SLC35F4: variants seen among roughly 807,000 people sequenced by gnomAD.
SLC35F4 encodes the protein solute carrier family 35 member F4, also known as chromosome 14 open reading frame 36.
A neutral mutation model predicts 44.2 loss-of-function variants in SLC35F4; 24 were observed. The ratio of observed to expected loss-of-function variants is 0.54; its 90% confidence interval spans 0.39 to 0.76. The LOEUF (loss-of-function observed/expected upper bound fraction) is 0.76. SLC35F4 is among the 30% of genes least tolerant of loss of function. The pLI is 0.00. For missense variants in SLC35F4, 562 were observed against 586.1 expected, an observed-to-expected ratio of 0.96 and a Z score of 0.42; for synonymous variants, 238 against 223.6, an observed-to-expected ratio of 1.06 and a Z score of -0.57.
At chr14:57,670,176 A>G (rs1447031418) in intron 1 of SLC35F4, among the ~76,000 whole-genome samples, 4 of 152,046 alleles carry the variant, frequency 2.6e-5, no homozygotes, top group African/African-American at 9.7e-5. Context: ...CAGTGGTGAT[A>G]TTCACTTTAT....
At chr14:57,595,067 A>G (rs1741313225) in intron 1 of SLC35F4, among the ~76,000 whole-genome samples, 1 of 152,166 alleles carries the variant, frequency 6.6e-6, no homozygotes, top group Admixed American at 6.5e-5. Flanking sequence ...GATTTTCACT[A>G]GTTTTATCAC....
At chr14:57,838,209 T>C (rs997863002) in intron 1 of SLC35F4, among the ~76,000 whole-genome samples, 3 of 152,184 alleles carry the variant, frequency 2.0e-5, no homozygotes, top group African/African-American at 7.2e-5. Context: ...CCACTCTTCC[T>C]GGGCAGGTTT....
At chr14:57,930,093 C>T (rs981422438) in intron 1 of SLC35F4, among the ~76,000 whole-genome samples, 1 of 152,190 alleles carries the variant, frequency 6.6e-6, no homozygotes, top group African/African-American at 2.4e-5. Flanking sequence ...CTGTGCAGAA[C>T]ATTCGCTTCT....
At chr14:57,900,402 G>A (rs2141044782) in intron 1 of SLC35F4, among the ~76,000 whole-genome samples, 1 of 152,200 alleles carries the variant, frequency 6.6e-6, no homozygotes, top group Non-Finnish European at 1.5e-5. Context: ...TTAGGTCGGG[G>A]TCATGTGCTC....
intron 1 of SLC35F4, among the ~76,000 whole-genome samples, chr14:57,965,738 A>G (rs1210681618): frequency 1.3e-5 from 2 of 152,212 alleles, no homozygotes; most frequent in Non-Finnish European, 2.9e-5. Context: ...TGGGGACCCA[A>G]TGCTTAATGT....
intron 1 of SLC35F4, chr14:57,602,465 G>A (rs896584497): frequency 2.7e-4 from 41 of 152,168 alleles, no homozygotes; most frequent in African/African-American, 9.2e-4. Flanking sequence ...TCTTGAAGGG[G>A]AGCTGGAATG....
At chr14:57,817,762 A>T (rs1882765321) in intron 1 of SLC35F4, among the ~76,000 whole-genome samples, 1 of 152,202 alleles carries the variant, frequency 6.6e-6, no homozygotes, top group Admixed American at 6.5e-5. Context: ...ATGACCCGTT[A>T]AAAATTGATC....
At chr14:57,585,840 G>A (rs1182796243) in intron 3 of SLC35F4, among the ~76,000 whole-genome samples, 1 of 152,118 alleles carries the variant, frequency 6.6e-6, no homozygotes, top group Non-Finnish European at 1.5e-5. Flanking sequence ...ACAAACGGGT[G>A]GGAAAATATT....
chr14:57,577,261 G>T (rs1386277943), intron 4 of SLC35F4, among the ~76,000 whole-genome samples: 1 of 152,170 alleles, frequency 6.6e-6, no homozygotes, highest in Non-Finnish European at 1.5e-5. Flanking sequence ...TACCATGAAA[G>T]ATTCAGTTTA....
At chr14:57,835,548 A>G (rs1181997645) in intron 1 of SLC35F4, among the ~76,000 whole-genome samples, 1 of 151,742 alleles carries the variant, frequency 6.6e-6, no homozygotes, top group East Asian at 1.9e-4. Context: ...AACAATACGC[A>G]AAATGTGACT....
intron 1 of SLC35F4, among the ~76,000 whole-genome samples, chr14:57,697,143 C>T (rs2075407173): frequency 6.6e-6 from 1 of 151,962 alleles, no homozygotes; most frequent in Admixed American, 6.6e-5. Context: ...TAGATTCATC[C>T]TACAAATTTT....
intron 3 of SLC35F4, among the ~76,000 whole-genome samples, chr14:57,586,375 C>T (rs942589119): frequency 2.0e-5 from 3 of 152,010 alleles, no homozygotes; most frequent in Non-Finnish European, 2.9e-5. Flanking sequence ...CATAAAAACT[C>T]GAGAAGAAAA....
chr14:57,879,737 G>A (rs1888478614), intron 1 of SLC35F4, among the ~76,000 whole-genome samples: 1 of 152,120 alleles, frequency 6.6e-6, no homozygotes, highest in African/African-American at 2.4e-5. Context: ...GTCCTGTTGT[G>A]TCTGTTACTT....
At chr14:57,649,847 T>C (rs1017306272) in intron 1 of SLC35F4, among the ~76,000 whole-genome samples, 6 of 152,064 alleles carry the variant, frequency 3.9e-5, no homozygotes, top group African/African-American at 1.4e-4. Flanking sequence ...AATCCAGAGA[T>C]TTGATATTTC....
intron 1 of SLC35F4, among the ~76,000 whole-genome samples, chr14:57,980,298 C>T (rs147145544): frequency 6.6e-6 from 1 of 152,222 alleles, no homozygotes; most frequent in East Asian, 1.9e-4. Context: ...TGTCAGGAAC[C>T]CTGAGGCTAG....
At position 57,596,407 on chromosome 14, in the gene SLC35F4, G is replaced by A. The variant is rs546335574; in HGVS notation, c.104-2283C>T. 7.0e-4 allele frequency: 182 copies of A among 259,234 alleles called. 6 individuals carry two copies. Among genetic ancestry groups the A allele is most frequent in the South Asian group, 6.6e-3 (152 of 23,070 alleles). The allele number at this position is 259,234 out of a possible 1,614,324, so 16.1% of individuals were successfully genotyped here. A position where few individuals can be genotyped will look rare whatever the true frequency, so the allele number is the denominator to read the frequency against. On this transcript the variant is annotated intron_variant, in intron 1 of 7. Coordinates refer to ENST00000556826, the MANE Select transcript of SLC35F4 (RefSeq NM_001306087.2). ...GTTTCTAATTGGACAATTCAAGTTC[G>A]ATAAAAACGGACTGTCTGAAATTCA...
chr14:57,867,435 G>C (rs1388853826), upstream of SLC35F4, among the ~76,000 whole-genome samples: 1 of 152,182 alleles, frequency 6.6e-6, no homozygotes, highest in Non-Finnish European at 1.5e-5. Flanking sequence ...GCTGGAAGGA[G>C]AGTTCATAAA....
chr14:57,905,476 T>C (rs1566926258), intron 1 of SLC35F4, among the ~76,000 whole-genome samples: 1 of 152,248 alleles, frequency 6.6e-6, no homozygotes, highest in Admixed American at 6.5e-5. Context: ...CAGGGGAATC[T>C]TGGAGGCTGG....
chr14:57,911,653 A>G (rs1055953298), intron 1 of SLC35F4, among the ~76,000 whole-genome samples: 2 of 152,058 alleles, frequency 1.3e-5, no homozygotes, highest in African/African-American at 4.8e-5. Flanking sequence ...GTCATAGCGT[A>G]TAATTCTTTT....
Sources: allele counts gnomAD v4.1 joint callset (sites outside exome capture counted in the v4.1 genomes callset), GRCh38; gene constraint gnomAD v4.1.1; transcripts MANE v1.5; gene names NCBI Gene and HGNC (gene_info 2026-07-23, HGNC 2026-07-21).